CAMKMT: variants seen among roughly 807,000 people sequenced by gnomAD.
CAMKMT encodes calmodulin-lysine N-methyltransferase, also known as CaM KMT.
CAMKMT carries 53 observed loss-of-function variants against 48.0 expected under a neutral mutation model. The ratio of observed to expected loss-of-function variants is 1.10; its 90% CI spans 0.89 to 1.39. The LOEUF is 1.39. Among genes scored for constraint, CAMKMT ranks in the 40% most tolerant of loss-of-function variants. The pLI, the probability that CAMKMT is intolerant of heterozygous loss-of-function variation, is 0.00. For synonymous variants in CAMKMT, 165 were observed against 152.3 expected (o/e 1.08, Z -0.61); for missense variants, 428 against 402.7 (o/e 1.06, Z -0.54).
At chr2:44,364,043 A>C (rs1343371621) in intron 1 of CAMKMT, among the ~76,000 whole-genome samples, 1 of 127,332 alleles carries the variant, frequency 7.9e-6, no homozygotes, top group Non-Finnish European at 1.6e-5. Context: ...TAAATAAGAT[A>C]GAGTCTTGCT....
chr2:44,560,324 C>T (rs543691716), intron 3 of CAMKMT, among the ~76,000 whole-genome samples: 2 of 152,312 alleles, frequency 1.3e-5, no homozygotes, highest in South Asian at 4.1e-4. Flanking sequence ...CTCTGTTGCT[C>T]AGGCTGGAGT....
At chr2:44,769,792 A>T (rs1681028047) in intron 10 of CAMKMT, among the ~76,000 whole-genome samples, 1 of 152,116 alleles carries the variant, frequency 6.6e-6, no homozygotes, top group South Asian at 2.1e-4. Flanking sequence ...ACTTCTGCTT[A>T]TCTATTCAAA....
At chr2:44,456,210 G>A (rs371338642) in intron 3 of CAMKMT, among the ~76,000 whole-genome samples, 1 of 152,138 alleles carries the variant, frequency 6.6e-6, no homozygotes, top group African/African-American at 2.4e-5. Flanking sequence ...TTATGTGCGT[G>A]AGTATGAAAA....
intron 3 of CAMKMT, among the ~76,000 whole-genome samples, chr2:44,423,454 C>G (rs1085451): frequency 0.75 from 113,742 of 152,114 alleles, 43,598 homozygotes; most frequent in African/African-American, 0.88. Context: ...GAAGTGCTGG[C>G]ATTACAGGCA....
At chr2:44,699,052 A>G (rs1677121254) in intron 3 of CAMKMT, among the ~76,000 whole-genome samples, 1 of 152,126 alleles carries the variant, frequency 6.6e-6, no homozygotes, top group Non-Finnish European at 1.5e-5. Flanking sequence ...TTCAGGCTCC[A>G]TTTCTCATTC....
At chr2:44,634,128 G>A (rs1672991786) in intron 3 of CAMKMT, among the ~76,000 whole-genome samples, 1 of 152,034 alleles carries the variant, frequency 6.6e-6, no homozygotes, top group South Asian at 2.1e-4. Flanking sequence ...GCCTGATGGA[G>A]TCTCACACTG....
chr2:44,755,367 C>G (rs1414160190), intron 9 of CAMKMT, among the ~76,000 whole-genome samples: 1 of 152,154 alleles, frequency 6.6e-6, no homozygotes, highest in Non-Finnish European at 1.5e-5. Context: ...TGGGTTTCAG[C>G]ATCCCCCCAC....
intron 3 of CAMKMT, among the ~76,000 whole-genome samples, chr2:44,687,636 C>G (rs1375087227): frequency 1.3e-5 from 2 of 152,220 alleles, no homozygotes; most frequent in African/African-American, 4.8e-5. Flanking sequence ...AGAAATTGTT[C>G]ATGTTTCAAA....
At chr2:44,760,537 G>A (rs558328785) in intron 9 of CAMKMT, among the ~76,000 whole-genome samples, 1 of 151,686 alleles carries the variant, frequency 6.6e-6, no homozygotes, top group Non-Finnish European at 1.5e-5. Flanking sequence ...TGTGAACCCG[G>A]GAGGTGGAGC....
intron 3 of CAMKMT, among the ~76,000 whole-genome samples, chr2:44,526,604 G>A (rs758965911): frequency 6.6e-6 from 1 of 152,140 alleles, no homozygotes; most frequent in African/African-American, 2.4e-5. Context: ...GCAAGAGGAC[G>A]GATGCCCCAG....
At chr2:44,579,906 T>C (rs1303320214) in intron 3 of CAMKMT, among the ~76,000 whole-genome samples, 2 of 152,236 alleles carry the variant, frequency 1.3e-5, no homozygotes, top group Non-Finnish European at 2.9e-5. Flanking sequence ...GCCATTTCTT[T>C]TGGAAAGCCT....
rs74805143 is a variant in CAMKMT, at chr2:44,576,890, G to A, written c.377-127393G>A. 4.9e-3 allele frequency among the ~76,000 whole-genome samples: 752 copies of A among 152,250 alleles called. 4 individuals carry two copies. Among genetic ancestry groups the A allele is most frequent in the African/African-American group, 0.017 (709 of 41,534 alleles). ...CATAACAAAACAAAAATACTGCAAG[G>A]AATGTTCATTCATTCCATTTTTGTG... On this transcript the variant is annotated intron_variant, in intron 3 of 10. Transcript: ENST00000378494.
intron 3 of CAMKMT, among the ~76,000 whole-genome samples, chr2:44,547,120 A>G (rs917582060): frequency 6.6e-6 from 1 of 152,084 alleles, no homozygotes; most frequent in Admixed American, 6.5e-5. Flanking sequence ...GTTTTTTGTT[A>G]TTGTTATTTT....
intron 3 of CAMKMT, among the ~76,000 whole-genome samples, chr2:44,448,215 A>C (rs1002009815): frequency 6.6e-6 from 1 of 152,024 alleles, no homozygotes; most frequent in Non-Finnish European, 1.5e-5. Flanking sequence ...CCCACCACCC[A>C]CTGCTCCTTA....
intron 3 of CAMKMT, among the ~76,000 whole-genome samples, chr2:44,560,605 A>G (rs1385947875): frequency 6.6e-6 from 1 of 152,222 alleles, no homozygotes; most frequent in African/African-American, 2.4e-5. Flanking sequence ...CTGATTGACC[A>G]GTCTAAAAAG....
At chr2:44,706,454 G>A in intron 5 of CAMKMT, 113 bp downstream of exon 5, 1 of 1,004,198 alleles carries the variant, frequency 1.0e-6, no homozygotes, top group South Asian at 1.3e-5. Flanking sequence ...CTGCGGTCAA[G>A]CTGCCGGGTC....
At chr2:44,599,128 G>T (rs1670836913) in intron 3 of CAMKMT, among the ~76,000 whole-genome samples, 1 of 152,076 alleles carries the variant, frequency 6.6e-6, no homozygotes, top group Admixed American at 6.5e-5. Context: ...GCTTTAACAT[G>T]TAAGATGGAA....
At chr2:44,497,562 A>G (rs1669806913) in intron 3 of CAMKMT, among the ~76,000 whole-genome samples, 1 of 152,184 alleles carries the variant, frequency 6.6e-6, no homozygotes, top group Admixed American at 6.5e-5. Context: ...CCTGAAAGTT[A>G]CATACCAAAT....
intron 3 of CAMKMT, among the ~76,000 whole-genome samples, chr2:44,457,605 G>A (rs557956831): frequency 2.9e-4 from 44 of 151,932 alleles, no homozygotes; most frequent in African/African-American, 9.7e-4. Context: ...CACCATGTTG[G>A]CCAGGCTGGT....
Sources: gnomAD v4.1 joint callset for allele counts (sites outside exome capture counted in the v4.1 genomes callset) on GRCh38, gnomAD v4.1.1 for gene constraint, MANE v1.5 for transcripts, NCBI Gene and HGNC (gene_info 2026-07-23, HGNC 2026-07-21) for gene names.